Variants in KIAA1671 observed in about 807,000 individuals in gnomAD.
KIAA1671 encodes the protein uncharacterized protein KIAA1671.
A neutral mutation model predicts 131.2 loss-of-function variants in KIAA1671; 52 were observed. The observed-to-expected ratio is 0.40, with a 90% CI of 0.32 to 0.50. KIAA1671 has a LOEUF of 0.50. KIAA1671 is among the 20% of genes least tolerant of loss of function. The pLI, the probability that KIAA1671 is intolerant of heterozygous loss-of-function variation, is 0.73. For synonymous variants in KIAA1671, 1,003 were observed against 961.6 expected, an observed-to-expected ratio of 1.04 and a Z score of -0.80; for missense variants, 2,360 against 2,364.2, an observed-to-expected ratio of 1.00 and a Z score of 0.04.
At chr22:25,072,942 C>T (rs547794786) in intron 6 of KIAA1671, among the ~76,000 whole-genome samples, 1 of 152,324 alleles carries the variant, frequency 6.6e-6, no homozygotes, top group South Asian at 2.1e-4. Context: ...TGCGTTCATC[C>T]ATCATTTCTT....
Position 25,039,939 on chromosome 22 carries a change from G to T in KIAA1671, c.2809G>T (p.Ala937Ser), listed in dbSNP as rs1926819732. 1 of 1,551,386 alleles carries T rather than the reference G, an allele frequency of 6.4e-7. No individual in the cohort carries two copies. Among genetic ancestry groups the T allele is most frequent in the African/African-American group, 1.4e-5 (1 of 73,068 alleles). Reference sequence around the variant, plus strand: ...ACAGCCTGCAGTCAGAATGCGGAAAGCCGGCGCCATGGACCAGAGAATGGA... The same window carrying T: ...ACAGCCTGCAGTCAGAATGCGGAAATCCGGCGCCATGGACCAGAGAATGGA... ...VPQPAVRMRKAGAMDQRMDRW... is the reference protein window; with the variant it reads ...VPQPAVRMRKSGAMDQRMDRW... Residue 937 changes from alanine to serine, a missense_variant, in exon 5 of 13, where the codon GCC becomes TCC. Transcript: ENST00000358431.
At chr22:24,973,533 AC>A (rs1922749166) in intron 1 of KIAA1671, among the ~76,000 whole-genome samples, 1 of 150,442 alleles carries the variant, frequency 6.6e-6, no homozygotes, top group East Asian at 2.0e-4. Flanking sequence ...TAGCTGGGAT[AC>A]AGGCATGTGC....
intron 1 of KIAA1671, among the ~76,000 whole-genome samples, chr22:24,994,651 C>G (rs1924016851): frequency 6.6e-6 from 1 of 152,104 alleles, no homozygotes; most frequent in Admixed American, 6.5e-5. Context: ...CTCAGGTGAA[C>G]CAGCGCATGA....
intron 1 of KIAA1671, among the ~76,000 whole-genome samples, chr22:24,972,014 G>T (rs1922639932): frequency 6.6e-6 from 1 of 152,116 alleles, no homozygotes; most frequent in Non-Finnish European, 1.5e-5. Flanking sequence ...ACCTGGTCAG[G>T]GCTTTGAAGT....
chr22:24,983,359 C>T lies in KIAA1671; in HGVS notation c.-208+30587C>T, dbSNP rs114280739. On this transcript the variant is annotated intron_variant, in intron 1 of 12. Transcript: ENST00000358431. ...TCCAGTGGCTTCCGGCAATTGTTGG[C>T]GTTTTTTGGCTTCTAGCTGTATGTC... Among the ~76,000 whole-genome samples the T allele has an allele frequency of 4.4e-3, 674 of 152,162 alleles. 1 individual carries two copies. The highest frequency in any genetic ancestry group is 0.015 in the African/African-American group (602 of 41,498).
At chr22:25,158,097 A>G (rs968140757) in intron 6 of KIAA1671, among the ~76,000 whole-genome samples, 1 of 152,258 alleles carries the variant, frequency 6.6e-6, no homozygotes, top group Non-Finnish European at 1.5e-5. Context: ...CTGGGATTAC[A>G]GGCGTGAGCC....
intron 6 of KIAA1671, among the ~76,000 whole-genome samples, chr22:25,155,608 ATT>A (rs1476281326): frequency 1.3e-5 from 2 of 151,158 alleles, no homozygotes; most frequent in Non-Finnish European, 2.9e-5. Flanking sequence ...GCTTGTGTAT[ATT>A]TGTGTTTGTG....
intron 3 of KIAA1671, 93 bp downstream of exon 3, chr22:25,029,633 C>G: frequency 1.1e-6 from 1 of 913,222 alleles, no homozygotes; most frequent in Non-Finnish European, 1.6e-6. Context: ...ACTTGTCACC[C>G]CCCCTCAGTT....
At chr22:25,090,301 T>C (rs369331397) in intron 6 of KIAA1671, among the ~76,000 whole-genome samples, 128 of 152,338 alleles carry the variant, frequency 8.4e-4, no homozygotes, top group Middle Eastern at 6.8e-3. Context: ...ACGTGGCCGG[T>C]GTGGTGAGAA....
intron 5 of KIAA1671, among the ~76,000 whole-genome samples, chr22:25,046,645 T>C (rs1234424806): frequency 6.6e-6 from 1 of 152,234 alleles, no homozygotes; most frequent in Non-Finnish European, 1.5e-5. Flanking sequence ...TTTATTCCTT[T>C]TTTTTAAATT....
intron 6 of KIAA1671, among the ~76,000 whole-genome samples, chr22:25,093,401 C>T (rs1930116172): frequency 6.6e-6 from 1 of 152,158 alleles, no homozygotes. Flanking sequence ...TATAGAGTGC[C>T]TAGCACTGTG....
chr22:25,089,981 C>G (rs1568949175), intron 6 of KIAA1671, among the ~76,000 whole-genome samples: 1 of 152,142 alleles, frequency 6.6e-6, no homozygotes, highest in Non-Finnish European at 1.5e-5. Flanking sequence ...GGTACAGAGG[C>G]TAGAAGCTGA....
intron 1 of KIAA1671, among the ~76,000 whole-genome samples, chr22:24,987,272 G>A (rs954927655): frequency 2.0e-5 from 3 of 151,414 alleles, no homozygotes; most frequent in African/African-American, 7.3e-5. Context: ...CCAGGTTCAC[G>A]TCATTCTCCT....
intron 6 of KIAA1671, among the ~76,000 whole-genome samples, chr22:25,118,446 A>C (rs1047716651): frequency 6.6e-6 from 1 of 152,046 alleles, no homozygotes; most frequent in African/African-American, 2.4e-5. Flanking sequence ...ACACCACCAC[A>C]CCTACCTAAT....
intron 6 of KIAA1671, among the ~76,000 whole-genome samples, chr22:25,099,405 G>C (rs537360011): frequency 5.3e-5 from 8 of 152,220 alleles, no homozygotes; most frequent in African/African-American, 1.9e-4. Context: ...ATGATGTGGG[G>C]CCTGGCACAC....
intron 2 of KIAA1671, among the ~76,000 whole-genome samples, chr22:25,026,526 T>G (rs1925951230): frequency 6.6e-6 from 1 of 151,634 alleles, no homozygotes; most frequent in Non-Finnish European, 1.5e-5. Flanking sequence ...AGGTCAGGAG[T>G]TCGAGACCAG....
At chr22:25,056,802 ACT>A (rs1386845151) in intron 6 of KIAA1671, 1 of 119,460 alleles carries the variant, frequency 8.4e-6, no homozygotes, top group Non-Finnish European at 1.7e-5. Context: ...ACAGAGTGAG[ACT>A]CTGTCTCAAA....
At chr22:25,098,883 C>T (rs1030399853) in intron 6 of KIAA1671, among the ~76,000 whole-genome samples, 1 of 152,148 alleles carries the variant, frequency 6.6e-6, no homozygotes, top group African/African-American at 2.4e-5. Flanking sequence ...GAGAGGCTCC[C>T]CATGTGCAGA....
chr22:25,188,372 A>G (rs1388194761), intron 11 of KIAA1671, among the ~76,000 whole-genome samples: 1 of 152,146 alleles, frequency 6.6e-6, no homozygotes, highest in Non-Finnish European at 1.5e-5. Flanking sequence ...TTGATAAACA[A>G]AAGGCAGCTC....
Sources: gnomAD v4.1 joint callset for allele counts (sites outside exome capture counted in the v4.1 genomes callset) on GRCh38, gnomAD v4.1.1 for gene constraint, MANE v1.5 for transcripts, NCBI Gene and HGNC (gene_info 2026-07-23, HGNC 2026-07-21) for gene names.